Variants in SAMD12 observed in about 807,000 individuals in gnomAD.
The protein encoded by SAMD12 is sterile alpha motif domain containing 12, also known as sterile alpha motif domain-containing protein 12.
A neutral mutation model predicts 15.0 loss-of-function variants in SAMD12; 9 were observed. The ratio of observed to expected loss-of-function variants is 0.60; its 90% CI spans 0.36 to 1.05. The LOEUF is 1.05. Among genes scored for constraint, SAMD12 ranks in the 50% least tolerant of loss-of-function variants. SAMD12 has a pLI of 0.01. For synonymous variants in SAMD12, 86 were observed against 90.1 expected (o/e 0.96, Z 0.25); for missense variants, 230 against 234.2 (o/e 0.98, Z 0.12).
At chr8:118,316,907 GGCCTCCCAAAGC>G (rs1157108202) in intron 4 of SAMD12, among the ~76,000 whole-genome samples, 4 of 143,062 alleles carry the variant, frequency 2.8e-5, no homozygotes, top group African/African-American at 1.0e-4. Context: ...CTCCTGCCTT[GGCCTCCCAAAGC>G]GCTGGGATTA....
chr8:118,607,519 A>G (rs1339892480), intron 1 of SAMD12, among the ~76,000 whole-genome samples: 1 of 152,218 alleles, frequency 6.6e-6, no homozygotes, highest in African/African-American at 2.4e-5. Context: ...TACAGGCGTG[A>G]GCCACTGAGC....
At chr8:118,497,133 G>T (rs937917188) in intron 2 of SAMD12, among the ~76,000 whole-genome samples, 6 of 152,196 alleles carry the variant, frequency 3.9e-5, no homozygotes, top group African/African-American at 1.4e-4. Flanking sequence ...ATGTAAATTA[G>T]TTCAGCCACT....
chr8:118,354,306 G>T (rs2130610642), intron 4 of SAMD12, among the ~76,000 whole-genome samples: 1 of 152,296 alleles, frequency 6.6e-6, no homozygotes, highest in East Asian at 1.9e-4. Context: ...TAAAGTAGAG[G>T]AATGGTCTAG....
intron 4 of SAMD12, among the ~76,000 whole-genome samples, chr8:118,216,680 G>A (rs900563826): frequency 6.6e-6 from 1 of 152,188 alleles, no homozygotes; most frequent in Non-Finnish European, 1.5e-5. Flanking sequence ...CATTACAGCA[G>A]TCCAGGGCTA....
intron 2 of SAMD12, among the ~76,000 whole-genome samples, chr8:118,536,443 A>C (rs55959446): frequency 0.07 from 9,906 of 140,816 alleles, 902 homozygotes; most frequent in African/African-American, 0.22. Context: ...CTGATACACA[A>C]ACACACACAC....
intron 4 of SAMD12, among the ~76,000 whole-genome samples, chr8:118,305,649 A>G: frequency 6.6e-6 from 1 of 152,174 alleles, no homozygotes; most frequent in East Asian, 1.9e-4. Context: ...CTTTTGCTTT[A>G]CAAATGTATC....
At chr8:118,511,742 G>C (rs1825089554) in intron 2 of SAMD12, among the ~76,000 whole-genome samples, 1 of 152,168 alleles carries the variant, frequency 6.6e-6, no homozygotes, top group Admixed American at 6.5e-5. Context: ...ATGGCATATA[G>C]ATCATTTAGT....
chr8:118,365,555 A>T (rs1351999136), intron 4 of SAMD12, among the ~76,000 whole-genome samples: 3 of 152,038 alleles, frequency 2.0e-5, no homozygotes, highest in Non-Finnish European at 2.9e-5. Context: ...AGACTCTGGG[A>T]CTTACACCAG....
chr8:118,617,710 AT>A (rs1345006360), intron 1 of SAMD12, among the ~76,000 whole-genome samples: 1 of 152,162 alleles, frequency 6.6e-6, no homozygotes. Context: ...TAAAAAAAAA[AT>A]CCTTCTCTAG....
chr8:118,203,916 CT>C (rs553180835), intron 4 of SAMD12, among the ~76,000 whole-genome samples: 18 of 148,882 alleles, frequency 1.2e-4, no homozygotes, highest in East Asian at 4.0e-4. Flanking sequence ...TGAACTCATC[CT>C]TTTTTTTTTG....
intron 3 of SAMD12, among the ~76,000 whole-genome samples, chr8:118,424,752 A>G (rs1418135849): frequency 2.0e-5 from 3 of 152,080 alleles, no homozygotes; most frequent in Non-Finnish European, 4.4e-5. Flanking sequence ...TGTGGACTTC[A>G]GTTTCCTCCA....
chr8:118,620,314 T>C (rs1828360900), intron 1 of SAMD12, among the ~76,000 whole-genome samples: 1 of 148,490 alleles, frequency 6.7e-6, no homozygotes, highest in South Asian at 2.1e-4. Context: ...CAACATATCC[T>C]TGGTCTCAAG....
In SAMD12 at chr8:118,608,945, T is replaced by C. The variant is rs78137370; in HGVS notation, c.13+12859A>G. Among the ~76,000 whole-genome samples, 853 of 152,310 alleles carry C rather than the reference T, an allele frequency of 5.6e-3. 8 individuals carry two copies. Among genetic ancestry groups the C allele is most frequent in the African/African-American group, 0.02 (818 of 41,564 alleles). ...ACACGACATATTATGAACCCAATTT[T>C]ACCATAAGTTAACTGATATAAACAG... On this transcript the variant is annotated intron_variant, in intron 1 of 3. Coordinates refer to ENST00000314727, the MANE Select transcript of SAMD12 (RefSeq NM_207506.3).
intron 2 of SAMD12, among the ~76,000 whole-genome samples, chr8:118,459,310 C>A (rs1284712126): frequency 6.6e-6 from 1 of 152,128 alleles, no homozygotes; most frequent in Non-Finnish European, 1.5e-5. Flanking sequence ...AAGTGATCTG[C>A]CCGCCTCAGC....
chr8:118,388,315 T>C (rs1820071594), intron 3 of SAMD12, among the ~76,000 whole-genome samples: 1 of 152,186 alleles, frequency 6.6e-6, no homozygotes, highest in Non-Finnish European at 1.5e-5. Context: ...AGTGATGATA[T>C]TCCCAATAGT....
At chr8:118,304,759 C>A (rs983784645) in intron 4 of SAMD12, among the ~76,000 whole-genome samples, 6 of 141,538 alleles carry the variant, frequency 4.2e-5, no homozygotes, top group Non-Finnish European at 7.6e-5. Flanking sequence ...GACTCCATCT[C>A]ATAAATAAAT....
At chr8:118,135,500 G>A in the SAMD12 span, among the ~76,000 whole-genome samples, 3 of 151,730 alleles carry the variant, frequency 2.0e-5, no homozygotes, top group Admixed American at 6.6e-5. Context: ...ATTCTTAAAC[G>A]ACAGACTTGA....
At chr8:118,363,641 T>C (rs536663579) in intron 4 of SAMD12, among the ~76,000 whole-genome samples, 56 of 152,342 alleles carry the variant, frequency 3.7e-4, no homozygotes, top group African/African-American at 1.2e-3. Context: ...GTCTCCAGCT[T>C]GCCAACTGCA....
downstream of SAMD12, among the ~76,000 whole-genome samples, chr8:118,186,144 C>T (rs1359507081): frequency 6.6e-6 from 1 of 152,102 alleles, no homozygotes; most frequent in Admixed American, 6.6e-5. Context: ...ATAGGCATCC[C>T]AAGTCTCTAG....
Sources: allele counts gnomAD v4.1 joint callset (sites outside exome capture counted in the v4.1 genomes callset), GRCh38; gene constraint gnomAD v4.1.1; transcripts MANE v1.5; gene names NCBI Gene and HGNC (gene_info 2026-07-23, HGNC 2026-07-21).